Variants in DNAH17 observed in about 807,000 individuals in gnomAD.
The protein encoded by DNAH17 is axonemal beta dynein heavy chain 17.
DNAH17 carries 376 observed loss-of-function variants against 485.6 expected under a neutral mutation model. The observed-to-expected ratio is 0.77, with a 90% CI of 0.71 to 0.84. The LOEUF is 0.84. DNAH17 is among the 40% of genes least tolerant of loss of function. The pLI, the probability that DNAH17 is intolerant of heterozygous loss-of-function variation, is 0.00. For missense variants in DNAH17, 6,370 were observed against 5,839.3 expected (o/e 1.09, Z -2.96); for synonymous variants, 3,031 against 2,405.9 (o/e 1.26, Z -7.60).
chr17:78,529,433 C>T, intron 22 of DNAH17, 39 bp downstream of exon 22: 18 of 1,605,532 alleles, frequency 1.1e-5, no homozygotes, highest in Non-Finnish European at 1.5e-5. Flanking sequence ...ATGGCTCTCC[C>T]TGCTCACCTG....
intron 43 of DNAH17, 60 bp downstream of exon 43, chr17:78,491,383 T>G (rs973378669): frequency 6.3e-6 from 10 of 1,581,016 alleles, no homozygotes; most frequent in Admixed American, 5.4e-5. Flanking sequence ...CGCCTCCCTG[T>G]GAGCCCCCGT....
intron 13 of DNAH17, among the ~76,000 whole-genome samples, chr17:78,560,306 G>T (rs1403865923): frequency 2.1e-4 from 32 of 152,190 alleles, no homozygotes; most frequent in South Asian, 2.1e-4. Context: ...GCCACGTGCA[G>T]ATTGGGCAGC....
At chr17:78,524,180 C>T (rs1298526321) in intron 25 of DNAH17, among the ~76,000 whole-genome samples, 1 of 152,186 alleles carries the variant, frequency 6.6e-6, no homozygotes, top group Non-Finnish European at 1.5e-5. Context: ...CTCTATCGCC[C>T]AGGCTGGAGT....
At position 78,459,187 on chromosome 17, in the gene DNAH17, C is replaced by T. The variant is rs766458248; in HGVS notation, c.9675G>A (p.Thr3225=). 1.7e-5 allele frequency: 27 copies of T among 1,613,782 alleles called. No individual in the cohort carries two copies. Among genetic ancestry groups the T allele is most frequent in the Middle Eastern group, 1.6e-4 (1 of 6,084 alleles). Residue 3225 remains threonine (T), a synonymous_variant, in exon 61 of 81, where the codon ACG becomes ACA. Coordinates refer to ENST00000389840, the MANE Select transcript of DNAH17 (RefSeq NM_173628.4). ...TGGAGCGGATGAACTCGGGGTCGAA[C>T]GTCGGGTTGCCTTGGTAGGGCCTAG... is the stretch of plus-strand genomic sequence containing the variant. ...KAFKPYQGNP[T]FDPEFIRSKS... is the part of the protein sequence containing the mutation.
At chr17:78,570,892 A>G (rs942415169) in intron 6 of DNAH17, 56 bp downstream of exon 6, 3 of 958,750 alleles carry the variant, frequency 3.1e-6, no homozygotes, top group African/African-American at 3.6e-5. Context: ...AAAAGAAAAG[A>G]AAAGAAAAGA....
Position 78,526,757 on chromosome 17 carries a change from A to G in DNAH17, c.3625-20T>C, listed in dbSNP as rs2091087691. On this transcript the variant is annotated intron_variant, in intron 23 of 80. Coordinates refer to ENST00000389840, the MANE Select transcript of DNAH17 (RefSeq NM_173628.4). ...CTTGAGCTGCGAGAGAAGAGTGCAA[A>G]GTACAGAGAGTCACGGGGCGGCCAC... 6 of 1,589,226 alleles carry G rather than the reference A, an allele frequency of 3.8e-6. No homozygotes were observed. The highest frequency in any genetic ancestry group is 5.2e-6 in the Non-Finnish European group (6 of 1,162,776).
chr17:78,427,307 G>A (rs112825893), intron 77 of DNAH17, among the ~76,000 whole-genome samples, 199 bp from the exon 78 acceptor site: 3 of 152,220 alleles, frequency 2.0e-5, no homozygotes, highest in East Asian at 3.9e-4. Flanking sequence ...CAGCGGCTCC[G>A]AGCATTCTGA....
In DNAH17 at chr17:78,569,435, C is replaced by A; in HGVS notation, c.1137G>T (p.Val379=). 1 of 1,612,502 alleles carries A rather than the reference C, an allele frequency of 6.2e-7. No homozygotes were observed. The highest frequency in any genetic ancestry group is 8.5e-7 in the Non-Finnish European group (1 of 1,179,220). Residue 379 remains valine, a synonymous_variant, in exon 8 of 81, where the codon GTG becomes GTT. Coordinates refer to ENST00000389840, the MANE Select transcript of DNAH17 (RefSeq NM_173628.4). ...CGTACGTCTGGTAGAGCTCCTTCAG[C>A]ACATTTACAGCCAGGGAGATGCCAC... ...VLSGISLAVN[V]LKELYQTYDF...
At chr17:78,427,189 A>C in intron 77 of DNAH17, 81 bp from the exon 78 acceptor site, 5 of 1,431,184 alleles carry the variant, frequency 3.5e-6, no homozygotes, top group African/African-American at 1.4e-5. Context: ...CCTGCCCAAA[A>C]TGTTCCCAGC....
At chr17:78,545,389 T>C (rs77678209) in intron 16 of DNAH17, among the ~76,000 whole-genome samples, 22,408 of 152,154 alleles carry the variant, frequency 0.15, 1,798 homozygotes, top group East Asian at 0.3. Flanking sequence ...GCAACAGACA[T>C]TTCTCACAGG....
At position 78,460,175 on chromosome 17, in the gene DNAH17, T is replaced by G; in HGVS notation, c.9422A>C (p.Asp3141Ala). The change falls in exon 59 of 81, where the codon GAC becomes GCC. Residue 3141 changes from aspartate (D) to alanine (A), a missense_variant. Asp to Ala is a moderately radical substitution (Grantham distance 126). Transcript: ENST00000389840. ...PALLAAQEAL[D>A]TLNKNNLTEL... ...CTCCCCCTTTACCTTATTCAGAGTG[T>G]CCAGAGCCTCCTGGGCTGCCAGCAG... 1 of 1,607,286 alleles carries G rather than the reference T, an allele frequency of 6.2e-7. No individual in the cohort carries two copies. Among genetic ancestry groups the G allele is most frequent in the Non-Finnish European group, 8.5e-7 (1 of 1,176,406 alleles).
intron 41 of DNAH17, chr17:78,492,975 C>A: frequency 2.3e-6 from 1 of 442,188 alleles, no homozygotes; most frequent in Non-Finnish European, 3.9e-6. Flanking sequence ...CTTAGCTTCC[C>A]AAGTAGCTGG....
intron 19 of DNAH17, 51 bp from the exon 20 acceptor site, chr17:78,532,787 T>C: frequency 1.3e-6 from 2 of 1,517,352 alleles, no homozygotes; most frequent in Non-Finnish European, 1.8e-6. Flanking sequence ...GCCTGGTTCA[T>C]AATTTAGGTG....
At chr17:78,500,210 C>G in intron 36 of DNAH17, 95 bp downstream of exon 36, 1 of 1,365,570 alleles carries the variant, frequency 7.3e-7, no homozygotes, top group Non-Finnish European at 9.8e-7. Context: ...ATCCAGAGAT[C>G]TGGAGTTTAC....
At chr17:78,498,958 A>T (rs2090173611) in intron 37 of DNAH17, 50 bp downstream of exon 37, 1 of 1,428,482 alleles carries the variant, frequency 7.0e-7, no homozygotes, top group Non-Finnish European at 9.5e-7. Flanking sequence ...AGGAAAGCTG[A>T]CGAGCCAGTC....
chr17:78,552,168 C>T (rs755079792), intron 15 of DNAH17, among the ~76,000 whole-genome samples: 1 of 152,184 alleles, frequency 6.6e-6, no homozygotes, highest in Non-Finnish European at 1.5e-5. Flanking sequence ...TGTGTGGACC[C>T]TTCACCCCAC....
At chr17:78,571,489 C>G (rs2092356849) in intron 4 of DNAH17, 101 bp downstream of exon 4, 6 of 1,498,124 alleles carry the variant, frequency 4.0e-6, no homozygotes, top group Non-Finnish European at 4.6e-6. Context: ...GTCATCAGAG[C>G]CCTCAGGACT....
chr17:78,486,986 CTTTTTTTTTT>C (rs200078316), intron 44 of DNAH17, among the ~76,000 whole-genome samples: 2 of 128,568 alleles, frequency 1.6e-5, no homozygotes, highest in Non-Finnish European at 1.6e-5. Context: ...CCCCTTGGTG[CTTTTTTTTTT>C]TTTTTTTTTT....
Position 78,425,148 on chromosome 17 carries a change from C to T in DNAH17, c.13141+198G>A, listed in dbSNP as rs565671680. The T allele has an allele frequency of 5.1e-6, 3 of 586,590 alleles. No homozygotes were observed. In the South Asian group the frequency reaches 6.3e-5, roughly 12 times the overall value. 36.3% of individuals were successfully genotyped at this position (586,590 alleles called of 1,614,324 possible). A position where few individuals can be genotyped will look rare whatever the true frequency, so the allele number is the denominator to read the frequency against. On this transcript the variant is annotated intron_variant, in intron 80 of 80. Transcript: ENST00000389840. ...TTTTTGGTCTCCTCCAGACCCTGCA[C>T]ATTCCCTGAATCCTCTCAACCCTCT...
Sources: allele counts gnomAD v4.1 joint callset (sites outside exome capture counted in the v4.1 genomes callset), GRCh38; gene constraint gnomAD v4.1.1; transcripts MANE v1.5; gene names NCBI Gene and HGNC (gene_info 2026-07-23, HGNC 2026-07-21).